CROCC: variants seen among roughly 807,000 people sequenced by gnomAD.
CROCC encodes rootletin.
CROCC carries 180 observed loss-of-function variants against 245.2 expected under a neutral mutation model. The ratio of observed to expected loss-of-function variants is 0.73; its 90% CI spans 0.65 to 0.83. CROCC has a LOEUF of 0.83. Among genes scored for constraint, CROCC ranks in the 40% least tolerant of loss-of-function variants. The pLI is 0.00. For synonymous variants in CROCC, 1,205 were observed against 1,241.6 expected (o/e 0.97, Z 0.62); for missense variants, 2,688 against 2,779.4 (o/e 0.97, Z 0.74).
rs1255533775 is a variant in CROCC at position 16,953,508 on chromosome 1, C to T, written c.3186+27C>T. 5 of 1,576,058 alleles carry T rather than the reference C, an allele frequency of 3.2e-6. No homozygotes were observed. In the African/African-American group the frequency reaches 6.7e-5, roughly 21 times the overall value. ...TTCGTGAGCCCTGGCATGGCCTCTG[C>T]TGCTCTCTGAGCTGCTCCAGTTCTG... On this transcript the variant is annotated intron_variant, in intron 21 of 36. Coordinates refer to ENST00000375541, the MANE Select transcript of CROCC (RefSeq NM_014675.5).
In CROCC at chr1:16,936,810, G is replaced by A. The variant is rs151141857; in HGVS notation, c.1130G>A (p.Arg377His). ...LEEQLRDKVL[R>H]EKDLAQQQMQ... ...GAGCAGCTGCGGGACAAGGTGCTCC[G>A]CGAGAAGGACCTGGCGCAGCAGCAG... Residue 377 changes from arginine (R) to histidine (H), a missense_variant, in exon 9 of 37, where the codon CGC (arginine) becomes CAC (histidine). This residue lies in a region of CROCC where 972 missense variants were observed against 895.3 expected (regional missense o/e 1.09). Coordinates refer to ENST00000375541, the MANE Select transcript of CROCC (RefSeq NM_014675.5). The A allele has an allele frequency of 5.2e-4, 834 of 1,612,116 alleles. 1 individual carries two copies. In the South Asian group the frequency reaches 8.3e-3, roughly 16 times the overall value.
chr1:16,945,094 G>A (rs1250709478), intron 14 of CROCC, among the ~76,000 whole-genome samples: 3 of 152,266 alleles, frequency 2.0e-5, no homozygotes, highest in African/African-American at 4.8e-5. Flanking sequence ...TTAGTCAGGC[G>A]TGGTGGTGAG....
At chr1:16,942,244 C>T (rs1242694519) in intron 13 of CROCC, among the ~76,000 whole-genome samples, 8 of 152,232 alleles carry the variant, frequency 5.3e-5, no homozygotes, top group Middle Eastern at 3.2e-3. Context: ...CTCCTGAGCC[C>T]GTCTCGGCCT....
chr1:16,936,070 T>C (rs372924080), intron 8 of CROCC, among the ~76,000 whole-genome samples: 33 of 152,140 alleles, frequency 2.2e-4, no homozygotes, highest in South Asian at 4.1e-4. Flanking sequence ...CCTTTTTTTT[T>C]CCCCAATCTG....
intron 27 of CROCC, 36 bp from the exon 28 acceptor site, chr1:16,965,687 T>C: frequency 6.7e-7 from 1 of 1,486,974 alleles, no homozygotes; most frequent in Non-Finnish European, 9.3e-7. Flanking sequence ...GGCCCGTGGC[T>C]TCTGCATCAC....
At chr1:16,944,360 GT>G (rs869114934) in intron 14 of CROCC, 78 bp downstream of exon 14, 5 of 1,412,516 alleles carry the variant, frequency 3.5e-6, no homozygotes, top group Non-Finnish European at 3.7e-6. Flanking sequence ...CTGGGGTTAG[GT>G]GACACCCACT....
Position 16,966,595 on chromosome 1 carries a change from G to T in CROCC, c.4860+24G>T, listed in dbSNP as rs535122301. 6.9e-7 allele frequency: 1 copy of T among 1,453,654 alleles called. No homozygotes were observed. The highest frequency in any genetic ancestry group is 1.4e-5 in the African/African-American group (1 of 70,040). 90.0% of individuals were successfully genotyped at this position (1,453,654 alleles called of 1,614,324 possible). A position where few individuals can be genotyped will look rare whatever the true frequency, so the allele number is the denominator to read the frequency against. ...AGGTGGGCAGGAGCTGAGGGCCAGC[G>T]GGGCGACGGGGAATCTGTGTACCCG... On this transcript the variant is annotated intron_variant, in intron 30 of 36. Transcript: ENST00000375541. The surrounding 1 kb of genome is among the most constrained non-coding windows in gnomAD (Gnocchi z 4.8).
chr1:16,929,374 G>A (rs1284410323), intron 3 of CROCC, among the ~76,000 whole-genome samples: 8 of 152,386 alleles, frequency 5.2e-5, no homozygotes, highest in Admixed American at 2.6e-4. Context: ...TTTACTGAGC[G>A]TGAGCCATGC....
upstream of CROCC, among the ~76,000 whole-genome samples, chr1:16,921,502 C>G (rs1570575778): frequency 1.3e-5 from 2 of 152,406 alleles, no homozygotes; most frequent in African/African-American, 4.8e-5. Context: ...TGTGGGAAAA[C>G]ATACTCCCAG....
Position 16,961,063 on chromosome 1 carries a change from C to T in CROCC, c.4338C>T (p.Leu1446=), listed in dbSNP as rs908680647. 6 of 1,338,932 alleles carry T rather than the reference C, an allele frequency of 4.5e-6. No individual in the cohort carries two copies. The highest frequency in any genetic ancestry group is 1.5e-5 in the African/African-American group (1 of 64,886). The allele number at this position is 1,338,932 out of a possible 1,614,324, so 82.9% of individuals were successfully genotyped here. Residue 1446 remains leucine (L), a synonymous_variant, in exon 27 of 37, where the codon CTC becomes CTT. Coordinates refer to ENST00000375541, the MANE Select transcript of CROCC (RefSeq NM_014675.5). ...LRSALRRGLG[L]GRAPSPAPRP... ...CGGCTCTGCGCCGGGGCCTCGGCCTCGGTCGCGCGCCCAGCCCAGCCCCGC... is the reference window on the plus strand; with the variant it reads ...CGGCTCTGCGCCGGGGCCTCGGCCTTGGTCGCGCGCCCAGCCCAGCCCCGC...
chr1:16,955,341 G>A lies in CROCC; in HGVS notation c.3495G>A (p.Leu1165=). 6.2e-7 allele frequency: 1 copy of A among 1,608,456 alleles called. No homozygotes were observed. The highest frequency in any genetic ancestry group is 8.5e-7 in the Non-Finnish European group (1 of 1,179,706). ...EAEELRTQLR[L]LEDARDGLRR... is the part of the protein sequence containing the mutation. ...AAGAGCTTCGGACCCAGCTGCGTCTGCTGGAGGATGCCCGTGACGGGCTGC... is the reference window on the plus strand; with the variant it reads ...AAGAGCTTCGGACCCAGCTGCGTCTACTGGAGGATGCCCGTGACGGGCTGC... The change falls in exon 24 of 37, where the codon CTG becomes CTA. Residue 1165 remains leucine, a synonymous_variant. Transcript: ENST00000375541.
chr1:16,938,251 G>A (rs1275621321), intron 10 of CROCC, 149 bp from the exon 11 acceptor site: 17 of 690,960 alleles, frequency 2.5e-5, no homozygotes, highest in African/African-American at 1.2e-4. Flanking sequence ...TGAGGGCCTC[G>A]GGCCTGCTGT....
upstream of CROCC, among the ~76,000 whole-genome samples, chr1:16,917,263 T>C (rs2075317770): frequency 6.6e-6 from 1 of 152,292 alleles, no homozygotes; most frequent in Non-Finnish European, 1.5e-5. Flanking sequence ...GTAAAGTGAG[T>C]AGGGTGGTGC....
In CROCC at chr1:16,937,032, T is replaced by C. The variant is rs1185989526; in HGVS notation, c.1193+159T>C. On this transcript the variant is annotated intron_variant, in intron 9 of 36. Coordinates refer to ENST00000375541, the MANE Select transcript of CROCC (RefSeq NM_014675.5). ...TGAGGTTCCGAAGGCACTTGCCCAG[T>C]GTTTATCATAAACAGCTTAGCCTCC... 2.0e-5 allele frequency among the ~76,000 whole-genome samples: 3 copies of C among 152,284 alleles called. No individual in the cohort carries two copies. In the East Asian group the frequency reaches 5.8e-4, roughly 29 times the overall value.
intron 10 of CROCC, among the ~76,000 whole-genome samples, chr1:16,938,149 G>T (rs1368346125): frequency 9.1e-6 from 1 of 109,524 alleles, no homozygotes; most frequent in Non-Finnish European, 1.9e-5. Flanking sequence ...CCTCTGTGTG[G>T]GGCCTGGCCT....
chr1:16,956,634 A>G (rs946402160), intron 25 of CROCC, among the ~76,000 whole-genome samples: 1 of 152,144 alleles, frequency 6.6e-6, no homozygotes, highest in Non-Finnish European at 1.5e-5. Flanking sequence ...AACTTTGTTT[A>G]GGGACACTGA....
In CROCC at chr1:16,955,956, T is replaced by TCCCAGGA. The variant is rs1406858348; in HGVS notation, c.3705-34_3705-28dup. ...GCTTTTGTGTAGAGCCACTGACTAC[T>TCCCAGGA]CCCAGGACCCAGGGCAGCCCCTGAC... On this transcript the variant is annotated intron_variant, in intron 24 of 36. Transcript: ENST00000375541. 6 of 1,547,992 alleles carry TCCCAGGA rather than the reference T, an allele frequency of 3.9e-6. No homozygotes were observed. The East Asian group carries it at 1.5e-4, about 38-fold the overall frequency.
At chr1:16,965,256 T>A (rs749383354) in intron 27 of CROCC, among the ~76,000 whole-genome samples, 4 of 152,158 alleles carry the variant, frequency 2.6e-5, no homozygotes, top group Non-Finnish European at 5.9e-5. Flanking sequence ...CTTGAGGTGA[T>A]GCAGCAACCA....
intron 2 of CROCC, among the ~76,000 whole-genome samples, chr1:16,923,760 A>G (rs1427715605): frequency 7.0e-6 from 1 of 143,372 alleles, no homozygotes; most frequent in African/African-American, 2.6e-5. Flanking sequence ...AGCTCACTGC[A>G]ACCTCCACCT....
Sources: gnomAD v4.1 joint callset for allele counts (sites outside exome capture counted in the v4.1 genomes callset) on GRCh38, gnomAD v4.1.1 for gene constraint, gnomAD v4.1.1 regional missense constraint, Gnocchi (gnomAD v3.1) non-coding constraint, MANE v1.5 for transcripts, NCBI Gene and HGNC (gene_info 2026-07-23, HGNC 2026-07-21) for gene names.